Variants in PRKG2 observed in about 807,000 individuals in gnomAD.
PRKG2 encodes cGMP-dependent protein kinase 2.
PRKG2 carries 33 observed loss-of-function variants against 97.2 expected under a neutral mutation model. That is an observed-to-expected ratio of 0.34 (90% CI 0.26 to 0.45). The LOEUF (loss-of-function observed/expected upper bound fraction) is 0.45, where lower values mean the gene tolerates loss of function less well. Among genes scored for constraint, PRKG2 ranks in the 20% least tolerant of loss-of-function variants. The probability of loss-of-function intolerance (pLI) is 1.00; values close to 1 mark genes in which losing one functional copy is unlikely to be tolerated. For synonymous variants in PRKG2, 330 were observed against 321.8 expected, an observed-to-expected ratio of 1.03 and a Z score of -0.27; for missense variants, 638 against 900.0, an observed-to-expected ratio of 0.71 and a Z score of 3.73.
intron 17 of PRKG2, among the ~76,000 whole-genome samples, chr4:81,092,700 A>G (rs1219575379): frequency 1.3e-5 from 2 of 152,134 alleles, no homozygotes; most frequent in African/African-American, 2.4e-5. Context: ...TCACTATTAG[A>G]TGTCTAATAG....
intron 15 of PRKG2, 39 bp downstream of exon 15, chr4:81,110,409 C>T (rs1209024541): frequency 1.3e-6 from 2 of 1,580,416 alleles, no homozygotes; most frequent in South Asian, 1.2e-5. Flanking sequence ...TTTTGCATTT[C>T]TCTGAAGAGG....
rs527826402 is a variant in PRKG2, at chr4:81,162,417, C to A, written c.912+4744G>T. ...TCCACACCAAGCCCATGCATGCTTT[C>A]ATGCATGTGTCTTTATACTTTTTCC... On this transcript the variant is annotated intron_variant, in intron 6 of 18. Coordinates refer to ENST00000264399, the MANE Select transcript of PRKG2 (RefSeq NM_006259.3). Among the ~76,000 whole-genome samples, 3 of 152,220 alleles carry A rather than the reference C, an allele frequency of 2.0e-5. 1 individual carries two copies. The South Asian group carries it at 6.2e-4, about 32-fold the overall frequency.
At chr4:81,177,490 G>C (rs1267406863) in intron 2 of PRKG2, among the ~76,000 whole-genome samples, 1 of 152,132 alleles carries the variant, frequency 6.6e-6, no homozygotes, top group Admixed American at 6.5e-5. Context: ...CAGATCACGA[G>C]GTCAGGAGAT....
intron 2 of PRKG2, among the ~76,000 whole-genome samples, chr4:81,204,162 T>C (rs965064104): frequency 3.9e-5 from 6 of 151,970 alleles, no homozygotes; most frequent in African/African-American, 1.4e-4. Context: ...AATTCATCTT[T>C]GAGGCTCCAG....
At chr4:81,166,866 C>T (rs752629207) in intron 6 of PRKG2, among the ~76,000 whole-genome samples, 10 of 152,042 alleles carry the variant, frequency 6.6e-5, no homozygotes, top group Non-Finnish European at 1.0e-4. Flanking sequence ...AAATCAAATG[C>T]TTCTTGAGTA....
Position 81,212,440 on chromosome 4 carries a change from T to G in PRKG2, c.-14+2496A>C, listed in dbSNP as rs73829514. Among the ~76,000 whole-genome samples the G allele has an allele frequency of 2.0e-3, 310 of 152,298 alleles. 1 individual carries two copies. The highest frequency in any genetic ancestry group is 7.1e-3 in the African/African-American group (294 of 41,558). On this transcript the variant is annotated intron_variant, in intron 1 of 18. Coordinates refer to ENST00000264399, the MANE Select transcript of PRKG2 (RefSeq NM_006259.3). ...TCTGTAAGTCTAGGTCAGAAGATTATAGCTGACAGAATTTTTGAGTGGTGG... is the reference window on the plus strand; with the variant it reads ...TCTGTAAGTCTAGGTCAGAAGATTAGAGCTGACAGAATTTTTGAGTGGTGG...
intron 2 of PRKG2, among the ~76,000 whole-genome samples, chr4:81,202,285 A>C (rs1753363626): frequency 6.6e-6 from 1 of 152,196 alleles, no homozygotes; most frequent in African/African-American, 2.4e-5. Flanking sequence ...TGTAATATTG[A>C]GCACTTTTGA....
chr4:81,146,251 G>C lies in PRKG2; in HGVS notation c.1155-1921C>G, dbSNP rs928717796. Among the ~76,000 whole-genome samples the C allele has an allele frequency of 5.9e-5, 9 of 152,224 alleles. No homozygotes were observed. The South Asian group carries it at 6.2e-4, about 11-fold the overall frequency. ...AAATAGAGGTGAGATGGGTGCTATA[G>C]GTCTCTAGAAATTCTCCACTAACTA... On this transcript the variant is annotated intron_variant, in intron 9 of 18. Coordinates refer to ENST00000264399, the MANE Select transcript of PRKG2 (RefSeq NM_006259.3).
intron 2 of PRKG2, among the ~76,000 whole-genome samples, chr4:81,191,055 C>G (rs1268840489): frequency 6.6e-6 from 1 of 152,102 alleles, no homozygotes; most frequent in Non-Finnish European, 1.5e-5. Context: ...ACCAGAAATA[C>G]CATTTGACCC....
intron 1 of PRKG2, among the ~76,000 whole-genome samples, chr4:81,206,143 C>T (rs558787771): frequency 6.6e-6 from 1 of 152,252 alleles, no homozygotes; most frequent in Non-Finnish European, 1.5e-5. Flanking sequence ...AAAAGTAGAA[C>T]TTGAATGTGT....
intron 6 of PRKG2, among the ~76,000 whole-genome samples, chr4:81,154,871 A>C (rs1173814658): frequency 1.3e-5 from 2 of 152,150 alleles, no homozygotes; most frequent in Non-Finnish European, 2.9e-5. Context: ...AAAACTTTGA[A>C]AAAAATTTAG....
At chr4:81,171,956 G>C in intron 3 of PRKG2, 152 bp from the exon 4 acceptor site, 3 of 510,368 alleles carry the variant, frequency 5.9e-6, no homozygotes, top group Non-Finnish European at 9.7e-6. Context: ...TAAAAGTGTA[G>C]ACTGAAATCA....
chr4:81,189,078 A>AAAAAAAAAAAAAAAAAAAAAAAAAAAT (rs1752217933), intron 2 of PRKG2, among the ~76,000 whole-genome samples: 1 of 111,326 alleles, frequency 9.0e-6, no homozygotes, highest in Non-Finnish European at 1.6e-5. Flanking sequence ...AAAAAAAAAA[A>AAAAAAAAAAAAAAAAAAAAAAAAAAAT]AAAAAAAAAA....
In PRKG2 at chr4:81,096,712, TAAGAAGC is replaced by T. The variant is rs370019787; in HGVS notation, c.2127-4267_2127-4261del. ...AGAAACCACTTTCTTTGCTCATCCA[TAAGAAGC>T]AACTCCTCATCTGTTCAAGTTTCAT... On this transcript the variant is annotated intron_variant, in intron 17 of 18. Coordinates refer to ENST00000264399, the MANE Select transcript of PRKG2 (RefSeq NM_006259.3). 2.3e-4 allele frequency among the ~76,000 whole-genome samples: 35 copies of T among 152,328 alleles called. No homozygotes were observed. In the East Asian group the frequency reaches 5.2e-3, roughly 23 times the overall value.
intron 15 of PRKG2, among the ~76,000 whole-genome samples, chr4:81,109,964 G>A (rs1743735003): frequency 1.3e-5 from 2 of 152,176 alleles, no homozygotes; most frequent in Admixed American, 1.3e-4. Context: ...CTGACAAGAG[G>A]ATTAAAATTT....
At chr4:81,174,703 G>A (rs2110087455) in intron 3 of PRKG2, 90 bp downstream of exon 3, 1 of 1,309,180 alleles carries the variant, frequency 7.6e-7, no homozygotes, top group Non-Finnish European at 1.1e-6. Flanking sequence ...TACAAATAGA[G>A]CAACCAGTTT....
At chr4:81,159,672 T>C (rs937221750) in intron 6 of PRKG2, among the ~76,000 whole-genome samples, 20 of 152,026 alleles carry the variant, frequency 1.3e-4, no homozygotes, top group Admixed American at 1.1e-3. Flanking sequence ...ATGTTTATTG[T>C]GGCACTATTC....
At chr4:81,185,859 A>G (rs1321028198) in intron 2 of PRKG2, among the ~76,000 whole-genome samples, 1 of 152,220 alleles carries the variant, frequency 6.6e-6, no homozygotes, top group Non-Finnish European at 1.5e-5. Flanking sequence ...ACCTACAAAG[A>G]TCAAAAAAGA....
intron 11 of PRKG2, among the ~76,000 whole-genome samples, chr4:81,141,697 A>G (rs1033917021): frequency 6.6e-6 from 1 of 152,220 alleles, no homozygotes; most frequent in African/African-American, 2.4e-5. Flanking sequence ...TTTTAAATCA[A>G]TGGTGGATTT....
Sources: allele counts gnomAD v4.1 joint callset (sites outside exome capture counted in the v4.1 genomes callset), GRCh38; gene constraint gnomAD v4.1.1; transcripts MANE v1.5; gene names NCBI Gene and HGNC (gene_info 2026-07-23, HGNC 2026-07-21).